GRIK4: variants seen among roughly 807,000 people sequenced by gnomAD.
The protein encoded by GRIK4 is glutamate ionotropic receptor kainate type subunit 4.
GRIK4 carries 40 observed loss-of-function variants against 104.9 expected under a neutral mutation model. The ratio of observed to expected loss-of-function variants is 0.38; its 90% confidence interval spans 0.30 to 0.50. GRIK4 has a LOEUF of 0.50. Among genes scored for constraint, GRIK4 ranks in the 20% least tolerant of loss-of-function variants. The pLI, the probability that GRIK4 is intolerant of heterozygous loss-of-function variation, is 0.93. For synonymous variants in GRIK4, 485 were observed against 524.9 expected, an observed-to-expected ratio of 0.92 and a Z score of 1.04; for missense variants, 1,047 against 1,308.1, an observed-to-expected ratio of 0.80 and a Z score of 3.08.
chr11:120,528,316 T>C (rs1375743950), intron 1 of GRIK4, among the ~76,000 whole-genome samples: 1 of 152,036 alleles, frequency 6.6e-6, no homozygotes, highest in Non-Finnish European at 1.5e-5. Flanking sequence ...TTTCACAGTG[T>C]TAGCCAGGAT....
At chr11:120,645,278 T>C (rs1949528363) in intron 1 of GRIK4, among the ~76,000 whole-genome samples, 1 of 151,972 alleles carries the variant, frequency 6.6e-6, no homozygotes, top group Non-Finnish European at 1.5e-5. Context: ...GTTCCTTGAC[T>C]GTGTGACTGC....
chr11:120,534,727 G>T (rs1947955660), intron 1 of GRIK4, among the ~76,000 whole-genome samples: 2 of 152,174 alleles, frequency 1.3e-5, no homozygotes, highest in Non-Finnish European at 2.9e-5. Flanking sequence ...GACTGCCATA[G>T]CAGAAGAGCA....
chr11:120,917,340 C>T (rs965839422), intron 13 of GRIK4, among the ~76,000 whole-genome samples: 5 of 149,366 alleles, frequency 3.3e-5, no homozygotes, highest in African/African-American at 1.2e-4. Flanking sequence ...ATTTATGAAT[C>T]AATCAGCAGA....
chr11:120,977,769 TC>T (rs1591353675), intron 19 of GRIK4, among the ~76,000 whole-genome samples: 1 of 152,314 alleles, frequency 6.6e-6, no homozygotes, highest in South Asian at 2.1e-4. Context: ...CTGTTAAACC[TC>T]AACTCCCCTC....
intron 10 of GRIK4, 96 bp downstream of exon 10, chr11:120,874,314 C>G: frequency 1.0e-6 from 1 of 953,308 alleles, no homozygotes; most frequent in Non-Finnish European, 1.6e-6. Context: ...CAGGCTTGCT[C>G]GAAATGTGTC....
intron 1 of GRIK4, among the ~76,000 whole-genome samples, chr11:120,565,612 C>T (rs533921530): frequency 1.7e-4 from 26 of 152,288 alleles, no homozygotes; most frequent in African/African-American, 6.3e-4. Context: ...TACAACAGAA[C>T]ACAGCCGAGT....
intron 13 of GRIK4, among the ~76,000 whole-genome samples, chr11:120,913,216 G>A (rs943421590): frequency 6.6e-6 from 1 of 152,094 alleles, no homozygotes; most frequent in Non-Finnish European, 1.5e-5. Context: ...GGCAGCACAC[G>A]GTCTTTCCCT....
chr11:120,936,964 GC>G, intron 13 of GRIK4, among the ~76,000 whole-genome samples: 1 of 151,944 alleles, frequency 6.6e-6, no homozygotes, highest in East Asian at 1.9e-4. Flanking sequence ...CACAGTCCCA[GC>G]CCCCTATCTT....
At chr11:120,777,851 A>G (rs1040535736) in intron 3 of GRIK4, among the ~76,000 whole-genome samples, 3 of 151,462 alleles carry the variant, frequency 2.0e-5, no homozygotes, top group Non-Finnish European at 2.9e-5. Context: ...GCAGGAGAAT[A>G]GCTTGAACTT....
Position 120,962,497 on chromosome 11 carries a change from G to A in GRIK4, c.2082G>A (p.Met694Ile). The change falls in exon 18 of 21, where the codon ATG (methionine) becomes ATA (isoleucine). Residue 694 changes from methionine (M) to isoleucine (I), a missense_variant. By Grantham distance (10) the Met-to-Ile change is conservative. This residue lies in a region of GRIK4 where 440 missense variants were observed against 652.3 expected (regional missense o/e 0.67). Coordinates refer to ENST00000527524, the MANE Select transcript of GRIK4 (RefSeq NM_014619.5). ...YQTYQRMWNYMYSKQPSVFVK... is the reference protein window; with the variant it reads ...YQTYQRMWNYIYSKQPSVFVK... Reference sequence around the variant, plus strand: ...CCTACCAACGCATGTGGAATTACATGTATTCCAAGCAGCCCAGCGTGTTCG... The same window carrying A: ...CCTACCAACGCATGTGGAATTACATATATTCCAAGCAGCCCAGCGTGTTCG... 1 of 1,613,754 alleles carries A rather than the reference G, an allele frequency of 6.2e-7. No homozygotes were observed. The highest frequency in any genetic ancestry group is 8.5e-7 in the Non-Finnish European group (1 of 1,179,648).
At position 120,919,353 on chromosome 11, in the gene GRIK4, AAG is replaced by A. The variant is rs1002261304; in HGVS notation, c.1476+13865_1476+13866del. On this transcript the variant is annotated intron_variant, in intron 13 of 20. Coordinates refer to ENST00000527524, the MANE Select transcript of GRIK4 (RefSeq NM_014619.5). ...GGGAAGGAGCTGGGACTCCATTTTA[AAG>A]AGAGTGGAGAGTAACTGGAGTTTTT... Among the ~76,000 whole-genome samples the A allele has an allele frequency of 1.1e-3, 162 of 152,310 alleles. 1 individual carries two copies. Among genetic ancestry groups the A allele is most frequent in the African/African-American group, 3.8e-3 (158 of 41,564 alleles).
At chr11:120,774,152 T>A (rs963474028) in intron 3 of GRIK4, among the ~76,000 whole-genome samples, 1 of 152,200 alleles carries the variant, frequency 6.6e-6, no homozygotes, top group Non-Finnish European at 1.5e-5. Flanking sequence ...GCTGGAAGGA[T>A]GCTGAGTCTA....
chr11:120,698,697 T>A (rs1950498361), intron 3 of GRIK4, among the ~76,000 whole-genome samples: 1 of 152,178 alleles, frequency 6.6e-6, no homozygotes. Flanking sequence ...GCTGCCAGTT[T>A]GCAGTGCAGT....
chr11:120,739,459 G>A (rs1206017572), intron 3 of GRIK4, among the ~76,000 whole-genome samples: 1 of 152,172 alleles, frequency 6.6e-6, no homozygotes, highest in Non-Finnish European at 1.5e-5. Context: ...ATGGACCAGA[G>A]CTCCCTTGGA....
intron 3 of GRIK4, among the ~76,000 whole-genome samples, chr11:120,703,048 A>T (rs1950577648): frequency 6.6e-6 from 1 of 152,224 alleles, no homozygotes; most frequent in African/African-American, 2.4e-5. Context: ...CTTTGAAATC[A>T]GTGTTGGTCA....
chr11:120,615,943 T>A (rs1408652216), intron 1 of GRIK4, among the ~76,000 whole-genome samples: 4 of 151,680 alleles, frequency 2.6e-5, no homozygotes, highest in African/African-American at 9.7e-5. Flanking sequence ...TCCCAGGAGT[T>A]GGGGAGAAGC....
chr11:120,641,363 C>G (rs1400495096), intron 1 of GRIK4, among the ~76,000 whole-genome samples: 3 of 150,550 alleles, frequency 2.0e-5, no homozygotes, highest in Non-Finnish European at 4.4e-5. Context: ...GTAAATTGAA[C>G]TGTAAAAGTT....
At chr11:120,979,456 C>T (rs1944615082) in intron 19 of GRIK4, among the ~76,000 whole-genome samples, 1 of 152,110 alleles carries the variant, frequency 6.6e-6, no homozygotes, top group Non-Finnish European at 1.5e-5. Flanking sequence ...TTTTGTTCTA[C>T]TTCCTTTTAT....
chr11:120,911,843 CA>C (rs200523419), intron 13 of GRIK4, among the ~76,000 whole-genome samples: 31 of 125,760 alleles, frequency 2.5e-4, no homozygotes, highest in Non-Finnish European at 2.8e-4. Context: ...GACTCCATCT[CA>C]AAAAAAAAAA....
Sources: allele counts gnomAD v4.1 joint callset (sites outside exome capture counted in the v4.1 genomes callset), GRCh38; gene constraint gnomAD v4.1.1; regional missense constraint gnomAD v4.1.1; transcripts MANE v1.5; gene names NCBI Gene and HGNC (gene_info 2026-07-23, HGNC 2026-07-21).